The following DENND6B variants were observed in gnomAD, a reference collection of about 807,000 sequenced individuals.
The protein encoded by DENND6B is DENN domain containing 6B.
DENND6B carries 73 observed loss-of-function variants against 85.1 expected under a neutral mutation model. The ratio of observed to expected loss-of-function variants is 0.86; its 90% confidence interval spans 0.71 to 1.04. DENND6B has a LOEUF of 1.04. Among genes scored for constraint, DENND6B ranks in the 50% least tolerant of loss-of-function variants. The probability of loss-of-function intolerance (pLI) is 0.00; values close to 1 mark genes in which losing one functional copy is unlikely to be tolerated. For missense variants in DENND6B, 715 were observed against 785.8 expected, an observed-to-expected ratio of 0.91 and a Z score of 1.08; for synonymous variants, 357 against 329.3, an observed-to-expected ratio of 1.08 and a Z score of -0.91.
At chr22:50,326,681 G>C (rs1297280987) in intron 1 of DENND6B, 131 bp downstream of exon 1, 3 of 781,402 alleles carry the variant, frequency 3.8e-6, no homozygotes, top group Non-Finnish European at 5.2e-6. Context: ...CCGGAGAAGA[G>C]GCCCCTCCAG....
At chr22:50,313,984 C>CAT (rs2041690958) in intron 13 of DENND6B, 106 bp from the exon 14 acceptor site, 4 of 1,407,526 alleles carry the variant, frequency 2.8e-6, no homozygotes, top group African/African-American at 1.4e-5. Context: ...CCTGCAGCCC[C>CAT]ATGCCCTTGG....
intron 13 of DENND6B, 34 bp downstream of exon 13, chr22:50,314,173 G>T (rs190906774): frequency 1.9e-6 from 3 of 1,584,688 alleles, no homozygotes; most frequent in South Asian, 2.2e-5. Context: ...GCCTCTCCAC[G>T]GTGGAGGGGC....
rs753725550 is a variant in DENND6B, at chr22:50,316,149, T to C, written c.639+25A>G. The stretch of plus-strand genomic sequence containing the variant: ...GGCATCCCCACACACCTGCAGAGCC[T>C]ACTCCCCAGCCAGCTGGCTCTCACC... On this transcript the variant is annotated intron_variant, in intron 7 of 19. Coordinates refer to ENST00000413817, the MANE Select transcript of DENND6B (RefSeq NM_001001794.4). 23 of 1,612,446 alleles carry C rather than the reference T, an allele frequency of 1.4e-5. No homozygotes were observed. The East Asian group carries it at 4.7e-4, about 33-fold the overall frequency.
Position 50,314,613 on chromosome 22 carries a change from C to T in DENND6B, c.969G>A (p.Thr323=), listed in dbSNP as rs535501565. Residue 323 remains threonine, a synonymous_variant, in exon 11 of 20, where the codon ACG becomes ACA. Coordinates refer to ENST00000413817, the MANE Select transcript of DENND6B (RefSeq NM_001001794.4). ...DSEFKEFTTR[T]QAPPNVVLGV... is the part of the protein sequence containing the mutation. The stretch of plus-strand genomic sequence containing the variant: ...GCAGAGGCGGCACTTACGGGGCCTG[C>T]GTGCGTGTGGTGAACTCCTTGAACT... 2.8e-4 allele frequency: 439 copies of T among 1,562,160 alleles called. 2 individuals carry two copies. In the South Asian group the frequency reaches 4.3e-3, roughly 15 times the overall value.
Position 50,319,018 on chromosome 22 carries a change from A to G in DENND6B, c.178-15T>C, listed in dbSNP as rs758923057. The G allele has an allele frequency of 8.2e-6, 13 of 1,589,808 alleles. No homozygotes were observed. Among genetic ancestry groups the G allele is most frequent in the Non-Finnish European group, 8.6e-6 (10 of 1,168,468 alleles). On this transcript the variant is annotated splice_polypyrimidine_tract_variant and intron_variant, in intron 1 of 19. Transcript: ENST00000413817. The stretch of plus-strand genomic sequence containing the variant: ...GGATACACCAGCTGCAGAGGAAGAC[A>G]GAGTGCTTGGTGACACCATCTGTCC...
intron 9 of DENND6B, 155 bp from the exon 10 acceptor site, chr22:50,315,076 G>T: frequency 1.8e-6 from 2 of 1,130,082 alleles, no homozygotes; most frequent in Non-Finnish European, 2.5e-6. Context: ...GATGTGTCTC[G>T]GGTAATCATG....
At chr22:50,320,320 G>T (rs968638445) in intron 1 of DENND6B, among the ~76,000 whole-genome samples, 8 of 152,264 alleles carry the variant, frequency 5.3e-5, no homozygotes, top group African/African-American at 1.9e-4. Context: ...CTAGGCTCAA[G>T]CGATCCTCCC....
intron 4 of DENND6B, 126 bp from the exon 5 acceptor site, chr22:50,317,499 T>A: frequency 9.2e-7 from 1 of 1,087,680 alleles, no homozygotes; most frequent in Non-Finnish European, 1.4e-6. Flanking sequence ...AGGAGGCTCC[T>A]GGAGCTGCTG....
At position 50,317,370 on chromosome 22, in the gene DENND6B, C is replaced by A; in HGVS notation, c.376G>T (p.Glu126Ter). 6.2e-7 allele frequency: 1 copy of A among 1,612,852 alleles called. No homozygotes were observed. Among genetic ancestry groups the A allele is most frequent in the Non-Finnish European group, 8.5e-7 (1 of 1,179,664 alleles). The stretch of plus-strand genomic sequence containing the variant: ...ACGTAGCCGAAGTAGTGTGCCGGCT[C>A]CCTCTGCAAGGAGCATGGTGTTAGC... ...NSRAPVALQR[E>*]PAHYFGYVYF... Residue 126 changes from glutamate to a stop codon, truncating the protein, a stop_gained, in exon 5 of 20, where the codon GAG becomes TAG. Transcript: ENST00000413817. LOFTEE classifies it high-confidence loss of function.
chr22:50,313,778 C>T, intron 14 of DENND6B, 36 bp downstream of exon 14: 1 of 1,610,338 alleles, frequency 6.2e-7, no homozygotes, highest in Non-Finnish European at 8.5e-7. Flanking sequence ...CACCAGGCTC[C>T]CTGCGTCCCC....
At chr22:50,313,554 C>A (rs1157800728) in intron 15 of DENND6B, 55 bp from the exon 16 acceptor site, 32 of 576,320 alleles carry the variant, frequency 5.6e-5, no homozygotes, top group Non-Finnish European at 1.1e-5. Context: ...CCAGCCCCAT[C>A]CCCCGCAGCC....
intron 1 of DENND6B, among the ~76,000 whole-genome samples, chr22:50,319,858 C>G (rs1411932773): frequency 6.6e-6 from 1 of 152,270 alleles, no homozygotes; most frequent in East Asian, 1.9e-4. Flanking sequence ...AGGCCTGCAC[C>G]CCCAGGAGTG....
chr22:50,314,762 T>C, intron 10 of DENND6B, 37 bp downstream of exon 10: 1 of 1,583,010 alleles, frequency 6.3e-7, no homozygotes, highest in Non-Finnish European at 8.6e-7. Context: ...GCCGCGATGG[T>C]CCAGCTTCCC....
chr22:50,317,367 GCTCCCT>G lies in DENND6B; in HGVS notation c.373_378del (p.Arg125_Glu126del). On this transcript the variant is annotated inframe_deletion and splice_region_variant, in exon 5 of 20. Coordinates refer to ENST00000413817, the MANE Select transcript of DENND6B (RefSeq NM_001001794.4). Reference sequence around the variant, plus strand: ...TACACGTAGCCGAAGTAGTGTGCCGGCTCCCTCTGCAAGGAGCATGGTGTTAGCCAG... The same window carrying G: ...TACACGTAGCCGAAGTAGTGTGCCGGCTGCAAGGAGCATGGTGTTAGCCAG... The G allele has an allele frequency of 5.6e-6, 9 of 1,612,740 alleles. No homozygotes were observed. The highest frequency in any genetic ancestry group is 7.6e-6 in the Non-Finnish European group (9 of 1,179,612).
chr22:50,314,261 T>C lies in DENND6B; in HGVS notation c.1084A>G (p.Lys362Glu). ...GAAGGCTTTTTCAGCTTGACTTGCT[T>C]AGGCAGGTCTCCTACGAGACACGCC... ...GEPKMSGDLP[K>E]QVKLKKPSRL... The change falls in exon 13 of 20, where the codon AAG (lysine) becomes GAG (glutamate). Residue 362 changes from lysine (K) to glutamate (E), a missense_variant. By Grantham distance (56) the Lys-to-Glu change is moderately conservative. Coordinates refer to ENST00000413817, the MANE Select transcript of DENND6B (RefSeq NM_001001794.4). The C allele has an allele frequency of 6.2e-7, 1 of 1,609,796 alleles. No homozygotes were observed. The highest frequency in any genetic ancestry group is 8.5e-7 in the Non-Finnish European group (1 of 1,179,276).
At chr22:50,318,057 G>A (rs201674155) in intron 3 of DENND6B, 37 bp from the exon 4 acceptor site, 129 of 1,600,874 alleles carry the variant, frequency 8.1e-5, no homozygotes, top group African/African-American at 5.2e-4. Context: ...GGTCAAGGCC[G>A]GGAGCCTCTT....
At position 50,313,560 on chromosome 22, in the gene DENND6B, C is replaced by T. The variant is rs1203283445; in HGVS notation, c.1294-61G>A. 2.8e-6 allele frequency: 4 copies of T among 1,406,048 alleles called. No homozygotes were observed. The African/African-American group carries it at 4.6e-5, about 16-fold the overall frequency. 87.1% of individuals were successfully genotyped at this position (1,406,048 alleles called of 1,614,324 possible). ...CCATGCCCCCCAGCCCCATCCCCCG[C>T]AGCCCCGTCCCCCCCAACCCCATCC... On this transcript the variant is annotated intron_variant, in intron 15 of 19. Transcript: ENST00000413817.
At chr22:50,313,907 C>T in intron 13 of DENND6B, 29 bp from the exon 14 acceptor site, 1 of 1,589,114 alleles carries the variant, frequency 6.3e-7, no homozygotes, top group Non-Finnish European at 8.5e-7. Flanking sequence ...TGGCGCCCCA[C>T]CCTTCAAGGG....
rs180969906 is a variant in DENND6B, at chr22:50,313,455, C to A, written c.1338G>T (p.Thr446=). ...CCCACAGGACCCCCACCTTCCAGGG[C>A]GTGATGCTCTTCTGCAGGGGCATGA... ...ASLMPLQKSI[T]PWKTPPQIQP... is the part of the protein sequence containing the mutation. Residue 446 remains threonine (T), a synonymous_variant, in exon 16 of 20, where the codon ACG becomes ACT. Transcript: ENST00000413817. 2.6e-6 allele frequency: 4 copies of A among 1,542,818 alleles called. No individual in the cohort carries two copies. Among genetic ancestry groups the A allele is most frequent in the Non-Finnish European group, 2.6e-6 (3 of 1,145,388 alleles).
Sources: gnomAD v4.1 joint callset for allele counts (sites outside exome capture counted in the v4.1 genomes callset) on GRCh38, gnomAD v4.1.1 for gene constraint, MANE v1.5 for transcripts, NCBI Gene and HGNC (gene_info 2026-07-23, HGNC 2026-07-21) for gene names.